FANCM: variants seen among roughly 807,000 people sequenced by gnomAD.
FANCM encodes the protein FA complementation group M.
A neutral mutation model predicts 199.5 loss-of-function variants in FANCM; 140 were observed. That is an observed-to-expected ratio of 0.70 (90% CI 0.61 to 0.81). The LOEUF is 0.81. FANCM is among the 30% of genes least tolerant of loss of function. The probability of loss-of-function intolerance (pLI) is 0.00; values close to 1 mark genes in which losing one functional copy is unlikely to be tolerated. For synonymous variants in FANCM, 840 were observed against 836.8 expected, an observed-to-expected ratio of 1.00 and a Z score of -0.07; for missense variants, 2,410 against 2,421.4, an observed-to-expected ratio of 1.00 and a Z score of 0.10.
chr14:45,190,759 G>A (rs1889717793), intron 20 of FANCM, among the ~76,000 whole-genome samples: 1 of 151,442 alleles, frequency 6.6e-6, no homozygotes, highest in Admixed American at 6.6e-5. Context: ...TTTCTTGAAG[G>A]CATTGTTAGG....
At position 45,158,459 on chromosome 14, in the gene FANCM, C is replaced by T. The variant is rs182622868; in HGVS notation, c.1397-637C>T. ...CACCCGCCCCCCAGCACAGACATAT[C>T]GGGAGCAGCTTTGGAATTCACTGTA... On this transcript the variant is annotated intron_variant, in intron 8 of 22. Transcript: ENST00000267430. 4.9e-4 allele frequency among the ~76,000 whole-genome samples: 71 copies of T among 143,684 alleles called. No homozygotes were observed. The East Asian group carries it at 0.015, about 31-fold the overall frequency. 94.3% of individuals were successfully genotyped at this position (143,684 alleles called of 152,430 possible). A position where few individuals can be genotyped will look rare whatever the true frequency, so the allele number is the denominator to read the frequency against.
intron 12 of FANCM, 117 bp from the exon 13 acceptor site, chr14:45,172,938 A>G (rs914634269): frequency 2.3e-5 from 17 of 746,186 alleles, no homozygotes; most frequent in South Asian, 9.3e-5. Flanking sequence ...AGTTGGGAGT[A>G]TCTAAATGGA....
intron 14 of FANCM, among the ~76,000 whole-genome samples, chr14:45,179,383 T>C (rs1353729675): frequency 1.3e-5 from 2 of 152,052 alleles, no homozygotes; most frequent in African/African-American, 4.8e-5. Flanking sequence ...AATTTCTTAA[T>C]TTTATCATTG....
At chr14:45,162,170 G>C (rs185668419) in intron 9 of FANCM, among the ~76,000 whole-genome samples, 1 of 152,280 alleles carries the variant, frequency 6.6e-6, no homozygotes, top group African/African-American at 2.4e-5. Flanking sequence ...TGTATCATTT[G>C]AGGTCAGGAG....
intron 9 of FANCM, among the ~76,000 whole-genome samples, chr14:45,162,692 A>G (rs1453430268): frequency 6.6e-6 from 1 of 152,172 alleles, no homozygotes; most frequent in Non-Finnish European, 1.5e-5. Flanking sequence ...AATTGAATAT[A>G]TGTCTTGAGT....
intron 16 of FANCM, 66 bp from the exon 17 acceptor site, chr14:45,183,708 G>T: frequency 8.9e-7 from 1 of 1,121,838 alleles, no homozygotes; most frequent in South Asian, 1.3e-5. Flanking sequence ...AGTTGTAAGA[G>T]CAATTTTACT....
chr14:45,189,795 C>T (rs1017742185), intron 20 of FANCM, among the ~76,000 whole-genome samples: 3 of 151,972 alleles, frequency 2.0e-5, no homozygotes, highest in Admixed American at 2.0e-4. Context: ...ATGATGAAAT[C>T]CCGTCTCTAC....
intron 5 of FANCM, among the ~76,000 whole-genome samples, chr14:45,152,201 G>C (rs1886874483): frequency 1.3e-5 from 2 of 151,730 alleles, no homozygotes; most frequent in East Asian, 3.9e-4. Context: ...GCTAATTTTT[G>C]TATTTTTTAG....
intron 14 of FANCM, among the ~76,000 whole-genome samples, chr14:45,177,544 A>G (rs1888791726): frequency 6.6e-6 from 1 of 152,082 alleles, no homozygotes; most frequent in Admixed American, 6.5e-5. Flanking sequence ...GGCACCCACC[A>G]TCATGCCCGG....
At chr14:45,195,577 G>T (rs1890009832) in intron 20 of FANCM, 1 of 456,368 alleles carries the variant, frequency 2.2e-6, no homozygotes, top group Admixed American at 2.3e-5. Flanking sequence ...CTTTGGAAAG[G>T]AAAGCTGGGT....
At chr14:45,187,973 A>C in intron 19 of FANCM, 86 bp downstream of exon 19, 1 of 752,082 alleles carries the variant, frequency 1.3e-6, no homozygotes, top group South Asian at 1.5e-5. Flanking sequence ...TTTTGTTTCT[A>C]AAACTGGGCT....
chr14:45,167,192 AT>A (rs2139215642), intron 11 of FANCM, 29 bp downstream of exon 11: 2 of 1,297,040 alleles, frequency 1.5e-6, no homozygotes, highest in Non-Finnish European at 2.2e-6. Flanking sequence ...TGACACATGC[AT>A]TTTTCCCCTG....
At chr14:45,192,770 G>A (rs764571227) in intron 20 of FANCM, among the ~76,000 whole-genome samples, 4 of 151,844 alleles carry the variant, frequency 2.6e-5, no homozygotes, top group Non-Finnish European at 4.4e-5. Flanking sequence ...TTGAGGTTGC[G>A]GTGAGCTATG....
chr14:45,188,973 G>A lies in FANCM; in HGVS notation c.4951G>A (p.Glu1651Lys), dbSNP rs752279370. The A allele has an allele frequency of 3.1e-6, 5 of 1,613,862 alleles. No homozygotes were observed. The highest frequency in any genetic ancestry group is 4.2e-6 in the Non-Finnish European group (5 of 1,179,970). The change falls in exon 20 of 23, where the codon GAA becomes AAA. Residue 1651 changes from glutamate to lysine, a missense_variant. Transcript: ENST00000267430. ...AACTCGACGTGCAGTAATGCTAAAAGAAATGATGGAACAAAATTGTGCACA... is the reference window on the plus strand; with the variant it reads ...AACTCGACGTGCAGTAATGCTAAAAAAAATGATGGAACAAAATTGTGCACA... ...YKTRRAVMLK[E>K]MMEQNCAHSK... is the part of the protein sequence containing the mutation.
chr14:45,187,853 A>G lies in FANCM; in HGVS notation c.4745A>G (p.His1582Arg). 1.3e-6 allele frequency: 2 copies of G among 1,554,848 alleles called. No individual in the cohort carries two copies. Among genetic ancestry groups the G allele is most frequent in the Non-Finnish European group, 8.9e-7 (1 of 1,126,174 alleles). The change falls in exon 19 of 23, where the codon CAT (histidine) becomes CGT (arginine). Residue 1582 changes from histidine (H) to arginine (R), a missense_variant. By Grantham distance (29) the His-to-Arg change is conservative. Coordinates refer to ENST00000267430, the MANE Select transcript of FANCM (RefSeq NM_020937.4). ...PMMNNKYKMI[H>R]KTHKNINIFS... ...ATGAACAATAAGTACAAAATGATTC[A>G]TAAGACACATAAAAACATAAACATT...
chr14:45,143,471 A>G (rs1267474416), intron 3 of FANCM, among the ~76,000 whole-genome samples: 3 of 151,990 alleles, frequency 2.0e-5, no homozygotes, highest in African/African-American at 7.3e-5. Flanking sequence ...ATGAGCCACC[A>G]TACCTTGCCA....
At chr14:45,141,035 T>C (rs2139119556) in intron 3 of FANCM, among the ~76,000 whole-genome samples, 1 of 152,182 alleles carries the variant, frequency 6.6e-6, no homozygotes, top group Middle Eastern at 3.4e-3. Context: ...AGACCCGTAA[T>C]CCCAGCACTC....
At chr14:45,163,728 G>A (rs990055934) in intron 9 of FANCM, among the ~76,000 whole-genome samples, 2 of 152,126 alleles carry the variant, frequency 1.3e-5, no homozygotes, top group Non-Finnish European at 2.9e-5. Context: ...ATTGCTGTAG[G>A]CCATTTCCCT....
rs1481728455 is a variant in FANCM, at chr14:45,185,364, G to A, written c.4663G>A (p.Ala1555Thr). 2.5e-6 allele frequency: 4 copies of A among 1,576,532 alleles called. No homozygotes were observed. The South Asian group carries it at 3.5e-5, about 14-fold the overall frequency. Residue 1555 changes from alanine to threonine, a missense_variant, in exon 18 of 23, where the codon GCT becomes ACT. Ala to Thr is a moderately conservative substitution (Grantham distance 58). Coordinates refer to ENST00000267430, the MANE Select transcript of FANCM (RefSeq NM_020937.4). ...AAATGATGAAACTCAACTTTCACAG[G>A]CTATAAATGGTAAATGTTATAATGA... ...FLNDETQLSQ[A>T]INDSEMRAIY... is the part of the protein sequence containing the mutation.
Sources: gnomAD v4.1 joint callset for allele counts (sites outside exome capture counted in the v4.1 genomes callset) on GRCh38, gnomAD v4.1.1 for gene constraint, MANE v1.5 for transcripts, NCBI Gene and HGNC (gene_info 2026-07-23, HGNC 2026-07-21) for gene names.